Variants in C12orf42 observed in about 807,000 individuals in gnomAD.
The protein encoded by C12orf42 is uncharacterized protein C12orf42.
In C12orf42, 25 loss-of-function variants were observed where a neutral mutation model predicts 21.6. The observed-to-expected ratio is 1.16, with a 90% CI of 0.84 to 1.62. The LOEUF (loss-of-function observed/expected upper bound fraction) is 1.62. Ranked by LOEUF, C12orf42 falls within the 40% of genes most tolerant of loss-of-function variation. The pLI, the probability that C12orf42 is intolerant of heterozygous loss-of-function variation, is 0.00. For synonymous variants in C12orf42, 174 were observed against 175.0 expected, an observed-to-expected ratio of 0.99 and a Z score of 0.05; for missense variants, 483 against 459.3, an observed-to-expected ratio of 1.05 and a Z score of -0.47.
chr12:103,387,066 G>A (rs766553202), intron 3 of C12orf42, among the ~76,000 whole-genome samples: 7 of 152,314 alleles, frequency 4.6e-5, no homozygotes, highest in South Asian at 4.1e-4. Context: ...CTTCTAGTGC[G>A]AAAGGGGAGC....
chr12:103,091,229 G>C, the C12orf42 span, among the ~76,000 whole-genome samples: 1 of 152,074 alleles, frequency 6.6e-6, no homozygotes, highest in Non-Finnish European at 1.5e-5. Flanking sequence ...CCCTATTAGA[G>C]CTTTATTAAA....
At chr12:103,482,202 C>A (rs1954521711) in intron 1 of C12orf42, among the ~76,000 whole-genome samples, 1 of 151,978 alleles carries the variant, frequency 6.6e-6, no homozygotes, top group Admixed American at 6.6e-5. Context: ...TACATTTTTC[C>A]TTCTTAAGGA....
chr12:103,359,726 CTTAT>C (rs2043915451), intron 4 of C12orf42, among the ~76,000 whole-genome samples: 1 of 151,762 alleles, frequency 6.6e-6, no homozygotes, highest in African/African-American at 2.4e-5. Flanking sequence ...AATAATCTTG[CTTAT>C]TTATTATTTA....
chr12:103,055,835 T>C, the C12orf42 span, among the ~76,000 whole-genome samples: 27,006 of 151,980 alleles, frequency 0.18, 2,750 homozygotes, highest in Admixed American at 0.24. Flanking sequence ...TATTGTTTAG[T>C]TCCCAAGTGT....
At chr12:103,258,655 A>C (rs1384556581) in intron 10 of C12orf42, among the ~76,000 whole-genome samples, 1 of 152,182 alleles carries the variant, frequency 6.6e-6, no homozygotes, top group East Asian at 1.9e-4. Context: ...TGTATATAAG[A>C]TCAATGACCA....
upstream of C12orf42, among the ~76,000 whole-genome samples, chr12:103,496,206 T>A (rs1955538602): frequency 6.6e-6 from 1 of 152,158 alleles, no homozygotes; most frequent in South Asian, 2.1e-4. Context: ...GGGATCCCGA[T>A]GTTTATCAAA....
chr12:103,479,600 T>C (rs1166741870), intron 1 of C12orf42, among the ~76,000 whole-genome samples: 3 of 152,122 alleles, frequency 2.0e-5, no homozygotes, highest in Non-Finnish European at 4.4e-5. Flanking sequence ...CTTTATCAAG[T>C]AAATTTTTCT....
chr12:103,266,225 C>T (rs1279335137), downstream of C12orf42, among the ~76,000 whole-genome samples: 1 of 151,952 alleles, frequency 6.6e-6, no homozygotes, highest in Non-Finnish European at 1.5e-5. Context: ...GGAAATGATA[C>T]CAGCACTCCA....
chr12:103,452,515 C>A (rs532960033), intron 2 of C12orf42, among the ~76,000 whole-genome samples: 7 of 152,192 alleles, frequency 4.6e-5, no homozygotes, highest in African/African-American at 1.7e-4. Context: ...TATTTTCCAC[C>A]CCATTACTGG....
the C12orf42 span, among the ~76,000 whole-genome samples, chr12:103,048,511 A>G: frequency 6.1e-4 from 93 of 152,248 alleles, no homozygotes; most frequent in Middle Eastern, 0.01. Context: ...AACCTGGGGC[A>G]TGATCTCAGA....
the C12orf42 span, among the ~76,000 whole-genome samples, chr12:103,154,257 G>T: frequency 6.6e-6 from 1 of 152,084 alleles, no homozygotes; most frequent in African/African-American, 2.4e-5. Context: ...TTTAAAAGAG[G>T]TTATTCAGCT....
At chr12:103,128,191 C>T in the C12orf42 span, among the ~76,000 whole-genome samples, 2 of 152,038 alleles carry the variant, frequency 1.3e-5, no homozygotes, top group East Asian at 3.9e-4. Flanking sequence ...ATCCTAGAGC[C>T]CAAAATATGG....
At chr12:103,437,558 A>T (rs1438880610) in intron 2 of C12orf42, among the ~76,000 whole-genome samples, 1 of 152,152 alleles carries the variant, frequency 6.6e-6, no homozygotes, top group African/African-American at 2.4e-5. Context: ...CACAATAAAA[A>T]ATGATAAAGG....
At chr12:103,282,526 A>G (rs977068103) in intron 4 of C12orf42, among the ~76,000 whole-genome samples, 2 of 152,180 alleles carry the variant, frequency 1.3e-5, no homozygotes, top group Non-Finnish European at 2.9e-5. Context: ...AGGATATATC[A>G]TATAGCCTAG....
chr12:103,289,844 T>G (rs1414813965), intron 4 of C12orf42, among the ~76,000 whole-genome samples: 1 of 152,204 alleles, frequency 6.6e-6, no homozygotes, highest in Non-Finnish European at 1.5e-5. Flanking sequence ...TGGTTGTCAT[T>G]GGGTTATTAA....
the C12orf42 span, among the ~76,000 whole-genome samples, chr12:103,184,646 A>AC: frequency 0.011 from 1,625 of 151,060 alleles, 28 homozygotes; most frequent in African/African-American, 0.037. Flanking sequence ...GTTTAGGAAG[A>AC]CCCCAAGTCA....
the C12orf42 span, among the ~76,000 whole-genome samples, chr12:103,220,361 G>T: frequency 6.6e-6 from 1 of 151,874 alleles, no homozygotes; most frequent in Non-Finnish European, 1.5e-5. Flanking sequence ...AAACCTACAC[G>T]TTCTGCACAT....
intron 1 of C12orf42, among the ~76,000 whole-genome samples, chr12:103,479,692 T>C (rs545842006): frequency 1.3e-5 from 2 of 152,184 alleles, no homozygotes; most frequent in South Asian, 4.1e-4. Flanking sequence ...CTGCAGCTGT[T>C]AAGAAGATTG....
At chr12:103,515,243 T>A in the C12orf42 span, among the ~76,000 whole-genome samples, 3 of 152,174 alleles carry the variant, frequency 2.0e-5, no homozygotes, top group Admixed American at 6.5e-5. Context: ...TGGCTAATCA[T>A]TTAAAAGGCA....
Sources: gnomAD v4.1 joint callset for allele counts (sites outside exome capture counted in the v4.1 genomes callset) on GRCh38, gnomAD v4.1.1 for gene constraint, MANE v1.5 for transcripts, NCBI Gene and HGNC (gene_info 2026-07-23, HGNC 2026-07-21) for gene names.